CR1L: variants seen among roughly 807,000 people sequenced by gnomAD.
The protein encoded by CR1L is complement C3b/C4b receptor 1 like.
In CR1L, 59 loss-of-function variants were observed where a neutral mutation model predicts 62.3. That is an observed-to-expected ratio of 0.95 (90% CI 0.77 to 1.18). CR1L has a LOEUF of 1.18. Among genes scored for constraint, CR1L ranks in the 50% most tolerant of loss-of-function variants. The pLI is 0.00. For missense variants in CR1L, 700 were observed against 702.8 expected, an observed-to-expected ratio of 1.00 and a Z score of 0.04; for synonymous variants, 279 against 248.7, an observed-to-expected ratio of 1.12 and a Z score of -1.15.
intron 1 of CR1L, among the ~76,000 whole-genome samples, chr1:207,661,507 C>T (rs1288671922): frequency 6.6e-6 from 1 of 152,096 alleles, no homozygotes; most frequent in Non-Finnish European, 1.5e-5. Flanking sequence ...GGTAGATCTT[C>T]CTCCATCCCT....
At chr1:207,690,613 T>C (rs901565290) in intron 4 of CR1L, among the ~76,000 whole-genome samples, 6 of 152,234 alleles carry the variant, frequency 3.9e-5, no homozygotes, top group African/African-American at 1.4e-4. Context: ...TCTGTATTAG[T>C]TTCCCAGGGC....
At position 207,697,753 on chromosome 1, in the gene CR1L, GT is replaced by G; in HGVS notation, c.1040-13del. On this transcript the variant is annotated splice_polypyrimidine_tract_variant and intron_variant, in intron 6 of 11. Transcript: ENST00000508064. The stretch of plus-strand genomic sequence containing the variant: ...CTCCACATGCCAGTTATTTCTGTTC[GT>G]TTTTCTTTTTTTCCAGTGAAATCCT... 6.2e-7 allele frequency: 1 copy of G among 1,613,968 alleles called. No homozygotes were observed. The highest frequency in any genetic ancestry group is 1.3e-5 in the African/African-American group (1 of 75,024).
intron 10 of CR1L, chr1:207,710,260 C>G: frequency 1.6e-6 from 1 of 643,008 alleles, no homozygotes; most frequent in Non-Finnish European, 2.8e-6. Context: ...GGGAGGATTG[C>G]TTGACCTGGG....
At chr1:207,692,464 T>C (rs1165847645) in intron 4 of CR1L, among the ~76,000 whole-genome samples, 1 of 152,208 alleles carries the variant, frequency 6.6e-6, no homozygotes. Context: ...AACTGCCTCC[T>C]GGTGACCACC....
rs1360736819 is a variant in CR1L, at chr1:207,701,613, T to C, written c.1323T>C (p.Thr441=). ...HVGSRINYSC[T]TGHRLIGHSS... is the part of the protein sequence containing the mutation. ...GATCCAGAATCAACTATTCTTGTAC[T>C]ACAGGGTGAGTTGGCAGCAACATCT... is the stretch of plus-strand genomic sequence containing the variant. The change falls in exon 9 of 12, where the codon ACT becomes ACC. Residue 441 remains threonine (T), a synonymous_variant. Transcript: ENST00000508064. The C allele has an allele frequency of 6.2e-7, 1 of 1,613,746 alleles. No homozygotes were observed. Among genetic ancestry groups the C allele is most frequent in the Non-Finnish European group, 8.5e-7 (1 of 1,179,684 alleles).
chr1:207,686,358 T>C (rs146302105), intron 4 of CR1L, among the ~76,000 whole-genome samples: 3 of 151,918 alleles, frequency 2.0e-5, no homozygotes, highest in Non-Finnish European at 4.4e-5. Context: ...ACAGTAGGCT[T>C]TTTGTAGGTA....
chr1:207,687,414 C>T (rs1663929542), intron 4 of CR1L, among the ~76,000 whole-genome samples: 1 of 152,060 alleles, frequency 6.6e-6, no homozygotes, highest in Non-Finnish European at 1.5e-5. Context: ...TTATGCAGTT[C>T]AGTAGATATT....
At chr1:207,691,108 T>A (rs1663989717) in intron 4 of CR1L, among the ~76,000 whole-genome samples, 2 of 152,246 alleles carry the variant, frequency 1.3e-5, no homozygotes, top group African/African-American at 4.8e-5. Context: ...CTTTCCTCTT[T>A]GTTCTAGCAA....
chr1:207,655,495 G>C (rs909374330), intron 1 of CR1L, among the ~76,000 whole-genome samples: 1 of 152,076 alleles, frequency 6.6e-6, no homozygotes, highest in African/African-American at 2.4e-5. Flanking sequence ...TTTCCTAAGA[G>C]AGGGTACCAG....
At chr1:207,678,356 C>A in intron 3 of CR1L, 59 bp downstream of exon 3, 5 of 1,425,986 alleles carry the variant, frequency 3.5e-6, no homozygotes, top group Non-Finnish European at 4.9e-6. Flanking sequence ...CACAGCCATA[C>A]TACCTTCTAG....
intron 2 of CR1L, among the ~76,000 whole-genome samples, chr1:207,677,944 T>G (rs1277831719): frequency 6.6e-6 from 1 of 152,204 alleles, no homozygotes; most frequent in Non-Finnish European, 1.5e-5. Flanking sequence ...TTGAATTGAA[T>G]TACAGATAAT....
chr1:207,699,420 GA>G (rs1664158096), intron 8 of CR1L, 146 bp downstream of exon 8: 1 of 950,244 alleles, frequency 1.1e-6, no homozygotes, highest in Non-Finnish European at 1.6e-6. Context: ...GTTTGGTTGT[GA>G]ATCAATGTGT....
At position 207,645,233 on chromosome 1, in the gene CR1L, C is replaced by A; in HGVS notation, c.-1C>A. On this transcript the variant is annotated 5_prime_UTR_variant, in exon 1 of 12. Transcript: ENST00000508064. Reference sequence around the variant, plus strand: ...AAATCACGGGGTCTCCCGCGCCGCTCATGGCGCCTCCCGTCCGTCTCGAGC... The same window carrying A: ...AAATCACGGGGTCTCCCGCGCCGCTAATGGCGCCTCCCGTCCGTCTCGAGC... The A allele has an allele frequency of 6.2e-7, 1 of 1,612,940 alleles. No homozygotes were observed. The highest frequency in any genetic ancestry group is 8.5e-7 in the Non-Finnish European group (1 of 1,179,964).
intron 10 of CR1L, among the ~76,000 whole-genome samples, chr1:207,712,096 G>T (rs769335974): frequency 4.6e-5 from 7 of 152,180 alleles, no homozygotes; most frequent in Non-Finnish European, 7.3e-5. Flanking sequence ...TGGCTCATCC[G>T]TGAATTCTGT....
intron 1 of CR1L, among the ~76,000 whole-genome samples, chr1:207,666,622 G>A (rs1417066283): frequency 6.6e-6 from 1 of 152,190 alleles, no homozygotes; most frequent in Non-Finnish European, 1.5e-5. Context: ...AATACTGCAT[G>A]TTCTCACTTA....
intron 1 of CR1L, chr1:207,652,514 T>C: frequency 8.4e-7 from 1 of 1,196,656 alleles, no homozygotes; most frequent in Admixed American, 1.7e-5. Context: ...ATATCAGTAC[T>C]TCATCTTCAT....
At chr1:207,708,764 G>A (rs1664308922) in intron 10 of CR1L, 1 of 454,510 alleles carries the variant, frequency 2.2e-6, no homozygotes, top group African/African-American at 2.0e-5. Flanking sequence ...GCAATTGCAA[G>A]CTAATAAGGA....
chr1:207,669,142 C>G (rs1318506276), intron 1 of CR1L: 3 of 259,220 alleles, frequency 1.2e-5, no homozygotes, highest in African/African-American at 7.2e-5. Flanking sequence ...TGGAAGGAAG[C>G]GCAGGGCCTC....
intron 9 of CR1L, among the ~76,000 whole-genome samples, chr1:207,707,634 C>T (rs544759463): frequency 1.3e-5 from 2 of 152,078 alleles, no homozygotes; most frequent in African/African-American, 2.4e-5. Context: ...TCTAAAAAAA[C>T]AAACAAACAA....
Sources: allele counts gnomAD v4.1 joint callset (sites outside exome capture counted in the v4.1 genomes callset), GRCh38; gene constraint gnomAD v4.1.1; transcripts MANE v1.5; gene names NCBI Gene and HGNC (gene_info 2026-07-23, HGNC 2026-07-21).